The following TMEM135 variants were observed in gnomAD, a reference collection of about 807,000 sequenced individuals.
The protein encoded by TMEM135 is transmembrane protein 135, also known as peroxisomal membrane protein 52.
In TMEM135, 30 loss-of-function variants were observed where a neutral mutation model predicts 60.3. The ratio of observed to expected loss-of-function variants is 0.50; its 90% CI spans 0.37 to 0.68. The LOEUF is 0.68. Among genes scored for constraint, TMEM135 ranks in the 30% least tolerant of loss-of-function variants. TMEM135 has a pLI of 0.00. For synonymous variants in TMEM135, 190 were observed against 186.7 expected, an observed-to-expected ratio of 1.02 and a Z score of -0.14; for missense variants, 468 against 548.8, an observed-to-expected ratio of 0.85 and a Z score of 1.47.
At chr11:87,210,626 G>A (rs1940345794) in intron 5 of TMEM135, among the ~76,000 whole-genome samples, 1 of 152,030 alleles carries the variant, frequency 6.6e-6, no homozygotes, top group African/African-American at 2.4e-5. Context: ...AATTATTCAA[G>A]AAAATCAAGG....
chr11:87,080,243 A>G (rs1856962193), intron 3 of TMEM135, among the ~76,000 whole-genome samples: 1 of 147,624 alleles, frequency 6.8e-6, no homozygotes, highest in Admixed American at 6.8e-5. Flanking sequence ...GGTTTTCTCA[A>G]CTTTGGCACT....
At chr11:87,067,921 C>A in intron 2 of TMEM135, 100 bp downstream of exon 2, 3 of 1,432,792 alleles carry the variant, frequency 2.1e-6, no homozygotes, top group Non-Finnish European at 2.9e-6. Flanking sequence ...ACTATCCCCG[C>A]CCCCCCTTTT....
intron 5 of TMEM135, among the ~76,000 whole-genome samples, chr11:87,208,751 A>G (rs1940294917): frequency 6.6e-6 from 1 of 152,226 alleles, no homozygotes; most frequent in Non-Finnish European, 1.5e-5. Flanking sequence ...ACCATCTCCA[A>G]GACATATAGT....
In TMEM135 at chr11:87,326,137, C is replaced by T; in HGVS notation, c.*4804C>T. ...TTTGTGCCATACTCTCCCCCACCCC[C>T]AGCCTGCTGCCTCTGCAGAGCATAA... On this transcript the variant is annotated 3_prime_UTR_variant, in exon 15 of 15. Transcript: ENST00000305494. The T allele has an allele frequency of 2.2e-6, 1 of 453,948 alleles. No individual in the cohort carries two copies. Among genetic ancestry groups the T allele is most frequent in the Non-Finnish European group, 4.4e-6 (1 of 226,760 alleles). 28.1% of individuals were successfully genotyped at this position (453,948 alleles called of 1,614,324 possible).
chr11:87,203,235 T>C (rs1424908962), intron 5 of TMEM135, among the ~76,000 whole-genome samples: 1 of 152,060 alleles, frequency 6.6e-6, no homozygotes, highest in South Asian at 2.1e-4. Context: ...TAGTTTACAT[T>C]AGGGTTCACT....
intron 6 of TMEM135, among the ~76,000 whole-genome samples, chr11:87,285,635 T>TCACAG (rs777544434): frequency 7.3e-4 from 111 of 152,298 alleles, no homozygotes; most frequent in Admixed American, 1.9e-3. Flanking sequence ...GCAGTAAGTG[T>TCACAG]CACAGCTCAT....
At chr11:87,261,954 C>T (rs1241007464) in intron 6 of TMEM135, among the ~76,000 whole-genome samples, 6 of 152,076 alleles carry the variant, frequency 3.9e-5, no homozygotes, top group Non-Finnish European at 7.4e-5. Context: ...ACCTTTGTAC[C>T]TATGTTTATA....
At chr11:87,083,460 C>G (rs1313196066) in intron 3 of TMEM135, among the ~76,000 whole-genome samples, 1 of 152,158 alleles carries the variant, frequency 6.6e-6, no homozygotes, top group Non-Finnish European at 1.5e-5. Flanking sequence ...CAAACATGAA[C>G]ATGGATTAAA....
chr11:87,167,731 C>T (rs540418324), intron 5 of TMEM135, among the ~76,000 whole-genome samples: 4 of 152,036 alleles, frequency 2.6e-5, no homozygotes, highest in East Asian at 1.9e-4. Context: ...TGAGGATTTT[C>T]GCATCGATGT....
At chr11:87,259,678 A>C (rs1941605920) in intron 6 of TMEM135, among the ~76,000 whole-genome samples, 1 of 152,196 alleles carries the variant, frequency 6.6e-6, no homozygotes, top group African/African-American at 2.4e-5. Context: ...ATTCACAGCA[A>C]AACAGAATAT....
At chr11:87,038,288 C>G in intron 1 of TMEM135, 102 bp downstream of exon 1, 4 of 1,117,448 alleles carry the variant, frequency 3.6e-6, no homozygotes, top group Non-Finnish European at 2.5e-6. Flanking sequence ...TGCCTTGTGT[C>G]GGGCTCTCTT....
At chr11:87,115,112 T>TA (rs1431591593) in intron 4 of TMEM135, among the ~76,000 whole-genome samples, 1 of 152,204 alleles carries the variant, frequency 6.6e-6, no homozygotes, top group African/African-American at 2.4e-5. Context: ...TTTAATAGTA[T>TA]AATGTATAGT....
Position 87,038,140 on chromosome 11 carries a change from G to T in TMEM135, c.95G>T (p.Gly32Val). ...SCRVSFLQIT[G>V]GALEESLKIY... Reference sequence around the variant, plus strand: ...CGGGTCTCCTTCCTGCAGATCACCGGGGGCGCCCTGGAGGAGTCCCTGAAG... The same window carrying T: ...CGGGTCTCCTTCCTGCAGATCACCGTGGGCGCCCTGGAGGAGTCCCTGAAG... The change falls in exon 1 of 15, where the codon GGG becomes GTG. Residue 32 changes from glycine (G) to valine (V), a missense_variant. Gly to Val is a moderately radical substitution (Grantham distance 109). Transcript: ENST00000305494. 15 of 1,614,134 alleles carry T rather than the reference G, an allele frequency of 9.3e-6. No individual in the cohort carries two copies. The highest frequency in any genetic ancestry group is 1.3e-5 in the Non-Finnish European group (15 of 1,180,010).
At chr11:87,082,346 A>C (rs1164883999) in intron 3 of TMEM135, among the ~76,000 whole-genome samples, 2 of 152,218 alleles carry the variant, frequency 1.3e-5, no homozygotes, top group African/African-American at 4.8e-5. Flanking sequence ...AGACTTCATT[A>C]AATATCAAGA....
chr11:87,126,679 A>G (rs1252618602), intron 4 of TMEM135, among the ~76,000 whole-genome samples: 1 of 151,986 alleles, frequency 6.6e-6, no homozygotes, highest in Admixed American at 6.6e-5. Flanking sequence ...TTAAAAAAAC[A>G]TGGTTTTCAT....
At chr11:87,171,225 C>T (rs1034250355) in intron 5 of TMEM135, among the ~76,000 whole-genome samples, 8 of 151,950 alleles carry the variant, frequency 5.3e-5, no homozygotes, top group African/African-American at 1.9e-4. Context: ...CTTTATATGC[C>T]CTAGGTGCAT....
At chr11:87,271,544 G>A (rs1437481199) in intron 6 of TMEM135, among the ~76,000 whole-genome samples, 1 of 126,528 alleles carries the variant, frequency 7.9e-6, no homozygotes. Context: ...TCAAAGACTT[G>A]GTATGGATAA....
At position 87,275,722 on chromosome 11, in the gene TMEM135, G is replaced by A. The variant is rs184361709; in HGVS notation, c.510-20060G>A. Among the ~76,000 whole-genome samples, 7 of 152,034 alleles carry A rather than the reference G, an allele frequency of 4.6e-5. No homozygotes were observed. The East Asian group carries it at 7.7e-4, about 17-fold the overall frequency. ...GTTGCCCAGGCTGGAGTACAGTGGC[G>A]CGATCTCAGCTCACTGCAAACTCCT... On this transcript the variant is annotated intron_variant, in intron 6 of 14. Transcript: ENST00000305494.
At chr11:87,055,552 A>AT (rs1342173447) in intron 1 of TMEM135, among the ~76,000 whole-genome samples, 1 of 150,794 alleles carries the variant, frequency 6.6e-6, no homozygotes, top group Non-Finnish European at 1.5e-5. Context: ...GTAAGTTGGG[A>AT]TTTTTTTCGA....
Sources: gnomAD v4.1 joint callset for allele counts (sites outside exome capture counted in the v4.1 genomes callset) on GRCh38, gnomAD v4.1.1 for gene constraint, MANE v1.5 for transcripts, NCBI Gene and HGNC (gene_info 2026-07-23, HGNC 2026-07-21) for gene names.